Variants in MED14 observed in about 807,000 individuals in gnomAD.
MED14 encodes the protein mediator complex subunit 14, also known as mediator of RNA polymerase II transcription subunit 14.
In MED14, 8 loss-of-function variants were observed where a neutral mutation model predicts 109.0. The observed-to-expected ratio is 0.07, with a 90% confidence interval of 0.04 to 0.13. The LOEUF (loss-of-function observed/expected upper bound fraction) is 0.13, where lower values mean the gene tolerates loss of function less well. Among genes scored for constraint, MED14 ranks in the 10% least tolerant of loss-of-function variants. The pLI is 1.00. For missense variants in MED14, 711 were observed against 1,142.4 expected, an observed-to-expected ratio of 0.62 and a Z score of 5.44; for synonymous variants, 399 against 408.7, an observed-to-expected ratio of 0.98 and a Z score of 0.29.
rs766671507 is a variant in MED14, at chrX:40,679,867, T to C, written c.2877A>G (p.Leu959=). Residue 959 remains leucine, a synonymous_variant, in exon 21 of 31, where the codon CTA becomes CTG. Transcript: ENST00000324817. ...LVEGFYPAPG[L]KTFLNMFVDS... ...TTATAACACTAAAGTCTGTTACCTT[T>C]AGTCCTGGTGCAGGATAGAAACCTT... The C allele has an allele frequency of 9.9e-6, 12 of 1,211,051 alleles. No individual in the cohort carries two copies. In the South Asian group the frequency reaches 1.8e-4, roughly 18 times the overall value.
At chrX:40,689,411 C>T (rs894555149) in intron 15 of MED14, among the ~76,000 whole-genome samples, 13 of 111,553 alleles carry the variant, frequency 1.2e-4, no homozygotes, top group African/African-American at 2.9e-4. Context: ...TATAAACATC[C>T]GGCCAGATGC....
intron 4 of MED14, 43 bp from the exon 5 acceptor site, chrX:40,713,950 G>C: frequency 2.6e-6 from 3 of 1,163,824 alleles, no homozygotes; most frequent in Non-Finnish European, 3.5e-6. Flanking sequence ...GTACAAACGG[G>C]GATTTTTTTT....
upstream of MED14, among the ~76,000 whole-genome samples, chrX:40,736,037 A>G (rs141767548): frequency 5.1e-3 from 573 of 111,663 alleles, 5 homozygotes; most frequent in African/African-American, 0.018. Context: ...GAAATCCACC[A>G]TCGCTTCCTA....
intron 4 of MED14, 143 bp from the exon 5 acceptor site, chrX:40,714,050 G>A: frequency 1.7e-6 from 1 of 587,395 alleles, no homozygotes; most frequent in Non-Finnish European, 2.6e-6. Context: ...CAAAAACAAT[G>A]GCCATTACTA....
At chrX:40,713,488 GC>G (rs1407497400) in intron 5 of MED14, among the ~76,000 whole-genome samples, 1 of 112,550 alleles carries the variant, frequency 8.9e-6, no homozygotes, top group Non-Finnish European at 1.9e-5. Context: ...TGTCACCCAG[GC>G]TGGAGTACAG....
chrX:40,650,384 T>G lies in MED14; in HGVS notation c.*1422A>C. 4 of 750,571 alleles carry G rather than the reference T, an allele frequency of 5.3e-6. No individual in the cohort carries two copies. The highest frequency in any genetic ancestry group is 6.3e-6 in the Non-Finnish European group (4 of 635,939). The allele number at this position is 750,571 out of a possible 1,213,427, so 61.9% of individuals were successfully genotyped here. A position where few individuals can be genotyped will look rare whatever the true frequency, so the allele number is the denominator to read the frequency against. On this transcript the variant is annotated 3_prime_UTR_variant, in exon 31 of 31. Coordinates refer to ENST00000324817, the MANE Select transcript of MED14 (RefSeq NM_004229.4). ...CAGTGAGATACTTGAAACTAGAATT[T>G]GATAGTTGATAGTTATAGAAGCTCA...
At chrX:40,721,364 C>T (rs771717390) in intron 3 of MED14, among the ~76,000 whole-genome samples, 3 of 112,153 alleles carry the variant, frequency 2.7e-5, no homozygotes, top group South Asian at 7.5e-4. Context: ...TTGCAGAACC[C>T]CTCCCATGAG....
intron 26 of MED14, among the ~76,000 whole-genome samples, chrX:40,660,037 AT>A (rs1929204326): frequency 8.9e-6 from 1 of 112,562 alleles, no homozygotes; most frequent in South Asian, 3.6e-4. Context: ...AGTGTAAAAA[AT>A]GAGACAACCT....
intron 12 of MED14, 51 bp downstream of exon 12, chrX:40,701,114 T>C (rs777297784): frequency 6.6e-6 from 6 of 903,644 alleles, no homozygotes; most frequent in Non-Finnish European, 9.6e-6. Context: ...AAAACATATC[T>C]TGTCAAAATA....
At position 40,681,843 on chromosome X, in the gene MED14, C is replaced by G. The variant is rs759727590; in HGVS notation, c.2457+9G>C. ...AAGACAGGAACTTCAGCATTTTAAT[C>G]AGACTTACTGAGCTTCCCTTGGTGG... On this transcript the variant is annotated intron_variant, in intron 19 of 30. Transcript: ENST00000324817. 2.0e-6 allele frequency: 2 copies of G among 1,004,314 alleles called. No homozygotes were observed. The highest frequency in any genetic ancestry group is 6.5e-5 in the Admixed American group (2 of 30,538). The allele number at this position is 1,004,314 out of a possible 1,213,427, so 82.8% of individuals were successfully genotyped here. A position where few individuals can be genotyped will look rare whatever the true frequency, so the allele number is the denominator to read the frequency against.
intron 2 of MED14, among the ~76,000 whole-genome samples, chrX:40,728,826 T>C (rs1012365786): frequency 4.5e-5 from 5 of 110,777 alleles, no homozygotes; most frequent in Non-Finnish European, 7.6e-5. Context: ...CAACTTTCTT[T>C]TTTTTTTTTG....
rs779911137 is a variant in MED14, at chrX:40,671,949, T to A, written c.3045A>T (p.Thr1015=). 11 of 1,196,861 alleles carry A rather than the reference T, an allele frequency of 9.2e-6. No individual in the cohort carries two copies. The South Asian group carries it at 1.8e-4, about 20-fold the overall frequency. The change falls in exon 23 of 31, where the codon ACA becomes ACT. Residue 1015 remains threonine (T), a synonymous_variant. Transcript: ENST00000324817. ...QQQPFPKQPG[T]SGAYPLTSPP... Reference sequence around the variant, plus strand: ...GTGAAGTAAGAGGATAAGCACCTGATGTTCCTGGCTGCTTTGGAAATGGCT... The same window carrying A: ...GTGAAGTAAGAGGATAAGCACCTGAAGTTCCTGGCTGCTTTGGAAATGGCT...
At chrX:40,695,666 T>C (rs775286289) in intron 13 of MED14, among the ~76,000 whole-genome samples, 20 of 112,473 alleles carry the variant, frequency 1.8e-4, no homozygotes, top group Non-Finnish European at 3.2e-4. Flanking sequence ...TTCTGTATTA[T>C]CATTTCACAT....
intron 3 of MED14, among the ~76,000 whole-genome samples, chrX:40,717,855 A>C (rs1015448573): frequency 2.7e-5 from 3 of 112,340 alleles, no homozygotes; most frequent in African/African-American, 9.7e-5. Context: ...CAACACTTAA[A>C]GTTTTCTCTC....
At chrX:40,682,027 AATATT>A (rs1351060970) in intron 18 of MED14, 84 bp from the exon 19 acceptor site, 3 of 437,729 alleles carry the variant, frequency 6.9e-6, no homozygotes, top group Non-Finnish European at 1.1e-5. Context: ...GCATTTTGGC[AATATT>A]ATATGCCCAG....
chrX:40,682,696 C>T lies in MED14; in HGVS notation c.2272G>A (p.Gly758Ser), dbSNP rs1930162761. The stretch of plus-strand genomic sequence containing the variant: ...AACATTTCAACCACCTTTCTACCAC[C>T]AACAGGCTCAGACAACAGATTTTCA... ...TYENLLSEPV[G>S]GRKVVEMFLN... is the part of the protein sequence containing the mutation. Residue 758 changes from glycine (G) to serine (S), a missense_variant, in exon 18 of 31, where the codon GGT becomes AGT. Coordinates refer to ENST00000324817, the MANE Select transcript of MED14 (RefSeq NM_004229.4). 8.3e-7 allele frequency: 1 copy of T among 1,204,804 alleles called. No individual in the cohort carries two copies. The highest frequency in any genetic ancestry group is 1.8e-5 in the African/African-American group (1 of 56,759).
chrX:40,731,243 A>G (rs1390817840), intron 1 of MED14, among the ~76,000 whole-genome samples: 1 of 110,414 alleles, frequency 9.1e-6, no homozygotes, highest in African/African-American at 3.3e-5. Flanking sequence ...GGAGGTGGAC[A>G]AGCAGAAGGA....
At chrX:40,659,203 G>A in intron 28 of MED14, 24 bp downstream of exon 28, 1 of 1,076,939 alleles carries the variant, frequency 9.3e-7, no homozygotes, top group East Asian at 3.3e-5. Context: ...AACCTTGCTA[G>A]AAATGTATAT....
chrX:40,733,569 G>C (rs891843379), intron 1 of MED14, among the ~76,000 whole-genome samples: 1 of 112,014 alleles, frequency 8.9e-6, no homozygotes, highest in African/African-American at 3.3e-5. Flanking sequence ...ACAGGTGAAG[G>C]ATTAGGTGGC....
Sources: allele counts gnomAD v4.1 joint callset (sites outside exome capture counted in the v4.1 genomes callset), GRCh38; gene constraint gnomAD v4.1.1; transcripts MANE v1.5; gene names NCBI Gene and HGNC (gene_info 2026-07-23, HGNC 2026-07-21).